The following ABR variants were observed in gnomAD, a reference collection of about 807,000 sequenced individuals.
ABR encodes the protein ABR activator of RhoGEF and GTPase, also known as active breakpoint cluster region-related protein.
A neutral mutation model predicts 107.2 loss-of-function variants in ABR; 35 were observed. The ratio of observed to expected loss-of-function variants is 0.33; its 90% CI spans 0.25 to 0.43. ABR has a LOEUF of 0.43. ABR is among the 20% of genes least tolerant of loss of function. The pLI is 1.00. For synonymous variants in ABR, 498 were observed against 462.0 expected, an observed-to-expected ratio of 1.08 and a Z score of -1.00; for missense variants, 815 against 1,115.2, an observed-to-expected ratio of 0.73 and a Z score of 3.83.
intron 1 of ABR, among the ~76,000 whole-genome samples, chr17:1,208,707 T>C (rs1039778734): frequency 6.6e-6 from 1 of 151,958 alleles, no homozygotes; most frequent in Admixed American, 6.6e-5. Context: ...GCTAACACGG[T>C]GAAACCCCAT....
chr17:1,225,206 C>T (rs1385531896), intron 1 of ABR, among the ~76,000 whole-genome samples: 2 of 151,896 alleles, frequency 1.3e-5, no homozygotes, highest in East Asian at 3.9e-4. Context: ...CTGTATCGCC[C>T]AGGCTGGTCT....
chr17:1,197,592 T>C lies in ABR; in HGVS notation c.838+31201A>G, dbSNP rs530406315. 4.5e-4 allele frequency among the ~76,000 whole-genome samples: 68 copies of C among 151,662 alleles called. 2 individuals are homozygous for C. Among genetic ancestry groups the C allele is most frequent in the Admixed American group, 7.2e-4 (11 of 15,244 alleles). On this transcript the variant is annotated intron_variant, in intron 1 of 22. Coordinates refer to the ABR transcript ENST00000574139. ...GTTATTTTCCCAGTTGCTGTTTCTG[T>C]CTGATTGTGAAAGATTCTTTCCTCC...
intron 16 of ABR, chr17:1,031,477 C>G: frequency 2.9e-6 from 2 of 678,862 alleles, no homozygotes; most frequent in South Asian, 1.3e-4. Context: ...CAGCTCTGTC[C>G]CGGGACTCCA....
chr17:1,226,357 G>A (rs1229841817), intron 1 of ABR, among the ~76,000 whole-genome samples: 4 of 152,166 alleles, frequency 2.6e-5, no homozygotes, highest in African/African-American at 9.7e-5. Flanking sequence ...GTGCACACAT[G>A]TATGTGGCAG....
intron 18 of ABR, 87 bp downstream of exon 18, chr17:1,012,601 G>A: frequency 1.0e-6 from 1 of 963,498 alleles, no homozygotes; most frequent in South Asian, 1.4e-5. Flanking sequence ...TGCCAGGATG[G>A]GCACCGGCGG....
chr17:1,090,767 A>G lies in ABR; in HGVS notation c.531+898T>C, dbSNP rs925150590. ...AGGAGGCCTCCAGCCTCTCACACCC[A>G]GAGAACAGGGCAGGAAGGAGGAGAA... is the stretch of plus-strand genomic sequence containing the variant. On this transcript the variant is annotated intron_variant, in intron 4 of 22. Coordinates refer to ENST00000302538, the MANE Select transcript of ABR (RefSeq NM_021962.5). Among the ~76,000 whole-genome samples, 18 of 152,336 alleles carry G rather than the reference A, an allele frequency of 1.2e-4. 1 individual carries two copies. The South Asian group carries it at 2.1e-3, about 18-fold the overall frequency.
upstream of ABR, among the ~76,000 whole-genome samples, chr17:1,180,049 CTTTGGTGCG>C (rs1265742752): frequency 0.013 from 1,524 of 113,520 alleles, 47 homozygotes; most frequent in African/African-American, 0.044. Context: ...GGGGGCGGGG[CTTTGGTGCG>C]GGGGCGGGGC....
chr17:1,161,555 ATT>A (rs533692775), intron 1 of ABR, among the ~76,000 whole-genome samples: 7,557 of 131,534 alleles, frequency 0.057, 258 homozygotes, highest in Middle Eastern at 0.099. Flanking sequence ...CAAAGTCACT[ATT>A]TTTTTTTTTT....
In ABR at chr17:1,091,727, G is replaced by C. The variant is rs767382607; in HGVS notation, c.469C>G (p.Leu157Val). 1 of 1,614,192 alleles carries C rather than the reference G, an allele frequency of 6.2e-7. No homozygotes were observed. The highest frequency in any genetic ancestry group is 1.1e-5 in the South Asian group (1 of 91,084). Reference sequence around the variant, plus strand: ...TCCCACTGTTGCACCTTGGGGCACAGGTTGTCATAGAACTCCTTGTGGATC... The same window carrying C: ...TCCCACTGTTGCACCTTGGGGCACACGTTGTCATAGAACTCCTTGTGGATC... ...YEIHKEFYDNLCPKVQQWDSQ... is the reference protein window; with the variant it reads ...YEIHKEFYDNVCPKVQQWDSQ... The change falls in exon 4 of 23, where the codon CTG becomes GTG. Residue 157 changes from leucine to valine, a missense_variant. Physicochemically the swap from Leu to Val is conservative, Grantham distance 32. This residue lies in a region of ABR where 385 missense variants were observed against 596.9 expected (regional missense o/e 0.64). Transcript: ENST00000302538.
chr17:1,147,940 T>C (rs143483720), intron 1 of ABR, among the ~76,000 whole-genome samples: 2 of 152,264 alleles, frequency 1.3e-5, no homozygotes, highest in Non-Finnish European at 2.9e-5. Flanking sequence ...AGTAAGTAAG[T>C]GCCAGGAGCA....
chr17:1,160,935 G>A (rs2041265570), intron 1 of ABR, among the ~76,000 whole-genome samples: 1 of 152,224 alleles, frequency 6.6e-6, no homozygotes, highest in Non-Finnish European at 1.5e-5. Context: ...ATCGAGCCTT[G>A]CTCTCTGGCC....
chr17:1,194,284 T>C (rs2042502369), intron 1 of ABR, among the ~76,000 whole-genome samples: 1 of 150,950 alleles, frequency 6.6e-6, no homozygotes, highest in South Asian at 2.1e-4. Context: ...GCCTCCCGGG[T>C]TCAAGTAATT....
chr17:1,094,517 T>G (rs1370729295), intron 3 of ABR, among the ~76,000 whole-genome samples: 3 of 151,906 alleles, frequency 2.0e-5, no homozygotes. Context: ...ATTACAGGTG[T>G]CCACCACCCC....
At chr17:1,217,452 C>G (rs556764094) in intron 1 of ABR, among the ~76,000 whole-genome samples, 4 of 152,298 alleles carry the variant, frequency 2.6e-5, no homozygotes, top group Non-Finnish European at 4.4e-5. Context: ...TTAACCAACA[C>G]GTACTGAGTG....
At chr17:1,158,848 T>C (rs1420176122) in intron 1 of ABR, among the ~76,000 whole-genome samples, 3 of 151,358 alleles carry the variant, frequency 2.0e-5, no homozygotes, top group Non-Finnish European at 4.4e-5. Flanking sequence ...GGCATGGGAG[T>C]GGCGGAGGTA....
At chr17:1,087,889 C>T (rs537477057) in intron 4 of ABR, among the ~76,000 whole-genome samples, 5 of 152,280 alleles carry the variant, frequency 3.3e-5, no homozygotes, top group South Asian at 2.1e-4. Context: ...TCACCCCAGG[C>T]GGTAGGGCCC....
At position 1,083,587 on chromosome 17, in the gene ABR, T is replaced by TA. The variant is rs1262884932; in HGVS notation, c.571dup (p.Tyr191LeufsTer2). The stretch of plus-strand genomic sequence containing the variant: ...CTCAGCTGTCTCCAGAGCGACTTTA[T>TA]AGTTATCGACAAACGCTTTGTACAC... On this transcript the variant is annotated frameshift_variant, in exon 5 of 23. Transcript: ENST00000302538. LOFTEE classifies it high-confidence loss of function. 1 of 1,613,932 alleles carries TA rather than the reference T, an allele frequency of 6.2e-7. No homozygotes were observed. The highest frequency in any genetic ancestry group is 8.5e-7 in the Non-Finnish European group (1 of 1,179,948).
rs1010911995 is a variant in ABR at position 1,093,894 on chromosome 17, C to T, written c.346-2044G>A. On this transcript the variant is annotated intron_variant, in intron 3 of 22. Transcript: ENST00000302538. ...CTCTGCCTTCTGGCTCCTTCATCCT[C>T]CGAGCTCTAAAAAGCCCAGATCCAA... Among the ~76,000 whole-genome samples the T allele has an allele frequency of 6.6e-5, 10 of 152,222 alleles. 1 individual carries two copies. The highest frequency in any genetic ancestry group is 2.4e-4 in the African/African-American group (10 of 41,458).
intron 16 of ABR, among the ~76,000 whole-genome samples, chr17:1,024,139 G>A (rs1033037195): frequency 4.6e-5 from 7 of 151,974 alleles, no homozygotes; most frequent in South Asian, 2.1e-4. Flanking sequence ...TGCCGGGGAC[G>A]TGAGGGGCTC....
Sources: gnomAD v4.1 joint callset for allele counts (sites outside exome capture counted in the v4.1 genomes callset) on GRCh38, gnomAD v4.1.1 for gene constraint, gnomAD v4.1.1 regional missense constraint, MANE v1.5 for transcripts, NCBI Gene and HGNC (gene_info 2026-07-23, HGNC 2026-07-21) for gene names.